MRTFA: variants seen among roughly 807,000 people sequenced by gnomAD.
The protein encoded by MRTFA is myocardin related transcription factor A.
In MRTFA, 20 loss-of-function variants were observed where a neutral mutation model predicts 83.5. The observed-to-expected ratio is 0.24, with a 90% confidence interval of 0.17 to 0.35. The LOEUF is 0.35. Ranked by LOEUF, MRTFA falls within the 10% of genes least tolerant of loss-of-function variation. MRTFA has a pLI of 1.00. For synonymous variants in MRTFA, 659 were observed against 541.2 expected, an observed-to-expected ratio of 1.22 and a Z score of -3.02; for missense variants, 1,200 against 1,224.7, an observed-to-expected ratio of 0.98 and a Z score of 0.30.
At chr22:40,442,921 T>C (rs2053304583) in intron 4 of MRTFA, among the ~76,000 whole-genome samples, 1 of 152,094 alleles carries the variant, frequency 6.6e-6, no homozygotes, top group South Asian at 2.1e-4. Flanking sequence ...GTGAGGATAA[T>C]GTGGCTAGAA....
intron 1 of MRTFA, among the ~76,000 whole-genome samples, chr22:40,598,245 C>T (rs911368393): frequency 1.0e-4 from 15 of 150,262 alleles, no homozygotes; most frequent in African/African-American, 3.7e-4. Context: ...AAATTGATTG[C>T]TACATGAGAC....
chr22:40,527,851 T>A (rs1395117049), intron 3 of MRTFA, among the ~76,000 whole-genome samples: 4 of 151,932 alleles, frequency 2.6e-5, no homozygotes, highest in Non-Finnish European at 5.9e-5. Flanking sequence ...AATTTGGCAC[T>A]GTTTTAATAA....
At chr22:40,502,560 C>T (rs1245147904) in intron 3 of MRTFA, among the ~76,000 whole-genome samples, 2 of 144,900 alleles carry the variant, frequency 1.4e-5, no homozygotes, top group Admixed American at 6.9e-5. Context: ...ACGCTCCTCA[C>T]TTTCCAGACT....
chr22:40,581,376 G>C (rs1461275235), intron 2 of MRTFA, among the ~76,000 whole-genome samples: 2 of 152,028 alleles, frequency 1.3e-5, no homozygotes, highest in African/African-American at 4.8e-5. Context: ...TTGTACTGCT[G>C]GTTCATAGGA....
At chr22:40,469,388 G>T (rs1278860851) in intron 3 of MRTFA, among the ~76,000 whole-genome samples, 1 of 152,034 alleles carries the variant, frequency 6.6e-6, no homozygotes, top group African/African-American at 2.4e-5. Flanking sequence ...TCCCTCTCTC[G>T]CCATGTGACA....
Position 40,541,853 on chromosome 22 carries a change from A to G in MRTFA, c.241+10253T>C, listed in dbSNP as rs537236444. Among the ~76,000 whole-genome samples the G allele has an allele frequency of 1.2e-4, 18 of 152,172 alleles. No individual in the cohort carries two copies. In the East Asian group the frequency reaches 2.7e-3, roughly 23 times the overall value. ...AGCTAAATTTTTGTATTTTTAGTAG[A>G]GACAGGGTTTCACCATGTTGGCCAG... On this transcript the variant is annotated intron_variant, in intron 3 of 14. Transcript: ENST00000355630.
chr22:40,535,541 T>A (rs57991251), intron 3 of MRTFA, among the ~76,000 whole-genome samples: 1 of 151,880 alleles, frequency 6.6e-6, no homozygotes, highest in Non-Finnish European at 1.5e-5. Flanking sequence ...TTAGTAAAGA[T>A]GGGGTTTCAC....
chr22:40,505,416 G>T (rs1227469639), intron 3 of MRTFA, among the ~76,000 whole-genome samples: 1 of 152,118 alleles, frequency 6.6e-6, no homozygotes, highest in African/African-American at 2.4e-5. Flanking sequence ...CCAGTTTCTT[G>T]CAAAGTAAAA....
intron 1 of MRTFA, among the ~76,000 whole-genome samples, chr22:40,626,288 G>C (rs2056580815): frequency 6.6e-6 from 1 of 150,608 alleles, no homozygotes; most frequent in South Asian, 2.1e-4. Context: ...CCTGTCCTAA[G>C]ATTTACTCGT....
chr22:40,494,144 G>T (rs946761198), intron 3 of MRTFA, among the ~76,000 whole-genome samples: 2 of 152,116 alleles, frequency 1.3e-5, no homozygotes, highest in Non-Finnish European at 1.5e-5. Context: ...TTATATTAAA[G>T]AGCTCTTATC....
rs201828774 is a variant in MRTFA, at chr22:40,457,426, AAGAAAGAAAG to A, written c.307+5785_307+5794del. On this transcript the variant is annotated intron_variant, in intron 4 of 14. Transcript: ENST00000355630. ...AGAAAGAGAGAGAGAGACAGAATGAAAGAAAGAAAGAGAAAGAAAGAAAGAAAGAAAGAAA... is the reference window on the plus strand; with the variant it reads ...AGAAAGAGAGAGAGAGACAGAATGAAAGAAAGAAAGAAAGAAAGAAAGAAA... Among the ~76,000 whole-genome samples, 337 of 116,584 alleles carry A rather than the reference AAGAAAGAAAG, an allele frequency of 2.9e-3. 3 individuals are homozygous for A. The highest frequency in any genetic ancestry group is 0.024 in the Middle Eastern group (6 of 252). The allele number at this position is 116,584 out of a possible 152,430, so 76.5% of individuals were successfully genotyped here.
At chr22:40,564,894 G>A (rs1468191844) in intron 2 of MRTFA, among the ~76,000 whole-genome samples, 2 of 151,828 alleles carry the variant, frequency 1.3e-5, no homozygotes, top group Non-Finnish European at 2.9e-5. Context: ...CAGGCAATCC[G>A]CCCACCTCGG....
intron 6 of MRTFA, among the ~76,000 whole-genome samples, chr22:40,430,729 G>A (rs74767555): frequency 0.11 from 16,662 of 151,660 alleles, 1,064 homozygotes; most frequent in East Asian, 0.24. Flanking sequence ...GTGTGGTGGC[G>A]CTCGTCTGTA....
chr22:40,505,586 G>A (rs936216185), intron 3 of MRTFA, among the ~76,000 whole-genome samples: 2 of 152,344 alleles, frequency 1.3e-5, no homozygotes, highest in African/African-American at 4.8e-5. Flanking sequence ...AGTTGTCAAC[G>A]TGATAGTATT....
intron 1 of MRTFA, among the ~76,000 whole-genome samples, chr22:40,627,810 C>A (rs972604675): frequency 6.6e-6 from 1 of 152,108 alleles, no homozygotes; most frequent in Admixed American, 6.6e-5. Context: ...GACACCCCGC[C>A]TGCACAAAAA....
At chr22:40,439,807 G>T (rs1018883316) in intron 4 of MRTFA, among the ~76,000 whole-genome samples, 1 of 152,180 alleles carries the variant, frequency 6.6e-6, no homozygotes, top group Admixed American at 6.5e-5. Flanking sequence ...AGTTGGAGAA[G>T]CTGAGACACA....
chr22:40,488,899 T>C (rs778048945), intron 3 of MRTFA, among the ~76,000 whole-genome samples: 16 of 152,178 alleles, frequency 1.1e-4, no homozygotes, highest in Admixed American at 3.9e-4. Context: ...ATGGGTACAT[T>C]TGACTTGTGG....
intron 3 of MRTFA, among the ~76,000 whole-genome samples, chr22:40,483,506 A>T (rs1209849073): frequency 1.3e-5 from 2 of 151,604 alleles, no homozygotes; most frequent in Non-Finnish European, 2.9e-5. Flanking sequence ...TAACATGGTG[A>T]AACCCCATCT....
chr22:40,549,567 G>C (rs929282418), intron 3 of MRTFA, among the ~76,000 whole-genome samples: 1 of 152,190 alleles, frequency 6.6e-6, no homozygotes, highest in Non-Finnish European at 1.5e-5. Context: ...AGGGAGTATT[G>C]ATTGGGAAGA....
Sources: gnomAD v4.1 joint callset for allele counts (sites outside exome capture counted in the v4.1 genomes callset) on GRCh38, gnomAD v4.1.1 for gene constraint, MANE v1.5 for transcripts, NCBI Gene and HGNC (gene_info 2026-07-23, HGNC 2026-07-21) for gene names.